Variants in DLEC1 observed in about 807,000 individuals in gnomAD.
The protein encoded by DLEC1 is DLEC1 cilia and flagella associated protein, also known as deleted in lung and esophageal cancer protein 1.
Under a neutral mutation model 198.1 loss-of-function variants are expected in DLEC1, and 146 were observed. That is an observed-to-expected ratio of 0.74 (90% CI 0.64 to 0.85). The LOEUF is 0.85. Among genes scored for constraint, DLEC1 ranks in the 40% least tolerant of loss-of-function variants. The pLI is 0.00. For synonymous variants in DLEC1, 897 were observed against 866.8 expected (o/e 1.03, Z -0.61); for missense variants, 2,233 against 2,220.0 (o/e 1.01, Z -0.12).
intron 2 of DLEC1, among the ~76,000 whole-genome samples, chr3:38,050,678 C>A (rs576043914): frequency 1.3e-5 from 2 of 152,206 alleles, no homozygotes; most frequent in African/African-American, 4.8e-5. Context: ...CCACCTCCAA[C>A]TTTAGGAAAA....
intron 29 of DLEC1, 32 bp downstream of exon 29, chr3:38,116,921 C>T: frequency 6.2e-7 from 1 of 1,611,966 alleles, no homozygotes; most frequent in Non-Finnish European, 8.5e-7. Context: ...GAGCTGTCTG[C>T]ATTGGCCGGC....
intron 7 of DLEC1, 48 bp downstream of exon 7, chr3:38,084,293 G>A (rs1297646974): frequency 2.0e-6 from 3 of 1,518,980 alleles, no homozygotes; most frequent in Admixed American, 3.4e-5. Flanking sequence ...TAATAGTAGT[G>A]GTGGTATTAG....
intron 18 of DLEC1, among the ~76,000 whole-genome samples, chr3:38,099,461 ATTC>A (rs1301656184): frequency 6.6e-6 from 1 of 152,170 alleles, no homozygotes; most frequent in Non-Finnish European, 1.5e-5. Flanking sequence ...TCTGCACTCT[ATTC>A]TTTTGAGCTC....
In DLEC1 at chr3:38,123,227, CA is replaced by C. The variant is rs1310287987; in HGVS notation, c.*816del. ...ATGGACAAGTAGGATGCAAAACCAT[CA>C]GACCAGATCTGTGGGCAAGCGGTAC... On this transcript the variant is annotated 3_prime_UTR_variant, in exon 37 of 37. Transcript: ENST00000308059. The C allele has an allele frequency of 2.7e-6, 3 of 1,115,412 alleles. No individual in the cohort carries two copies. Among genetic ancestry groups the C allele is most frequent in the East Asian group, 2.4e-5 (1 of 41,846 alleles). 69.1% of individuals were successfully genotyped at this position (1,115,412 alleles called of 1,614,324 possible). A position where few individuals can be genotyped will look rare whatever the true frequency, so the allele number is the denominator to read the frequency against.
chr3:38,116,711 G>C lies in DLEC1; in HGVS notation c.4062+53G>C, dbSNP rs1272220607. The C allele has an allele frequency of 3.1e-6, 5 of 1,609,794 alleles. No homozygotes were observed. The African/African-American group carries it at 6.7e-5, about 22-fold the overall frequency. On this transcript the variant is annotated intron_variant, in intron 28 of 36. Coordinates refer to ENST00000308059, the MANE Select transcript of DLEC1 (RefSeq NM_007335.4). ...GCTGGCCACTGAGGGCCACTGAGGT[G>C]TGGCCAGTAGGCTAGTTGAACCTCA...
Position 38,094,982 on chromosome 3 carries a change from A to G in DLEC1, c.2023A>G (p.Lys675Glu), listed in dbSNP as rs751958731. The G allele has an allele frequency of 6.2e-7, 1 of 1,614,204 alleles. No individual in the cohort carries two copies. The highest frequency in any genetic ancestry group is 8.5e-7 in the Non-Finnish European group (1 of 1,180,018). The change falls in exon 13 of 37, where the codon AAG becomes GAG. Residue 675 changes from lysine (K) to glutamate (E), a missense_variant. Coordinates refer to ENST00000308059, the MANE Select transcript of DLEC1 (RefSeq NM_007335.4). ...GGACAGCATCAAGTGCTACCCCGAC[A>G]AGGAGACTGCCTTCTCCATCATGCC... ...SMDSIKCYPD[K>E]ETAFSIMPRK...
chr3:38,060,698 AT>A (rs11410521), intron 3 of DLEC1, among the ~76,000 whole-genome samples: 172 of 147,100 alleles, frequency 1.2e-3, no homozygotes, highest in Admixed American at 1.4e-3. Flanking sequence ...GCCACTTAGT[AT>A]TTTTTTTTTT....
At chr3:38,076,659 T>C (rs1256422804) in intron 6 of DLEC1, among the ~76,000 whole-genome samples, 1 of 152,234 alleles carries the variant, frequency 6.6e-6, no homozygotes, top group Non-Finnish European at 1.5e-5. Context: ...TTGTGATTCT[T>C]CAGTTACTTC....
At chr3:38,097,137 A>T in intron 15 of DLEC1, 45 bp from the exon 16 acceptor site, 1 of 1,491,524 alleles carries the variant, frequency 6.7e-7, no homozygotes, top group Non-Finnish European at 9.1e-7. Context: ...CAGAATTGAC[A>T]TGAAGGGGCA....
chr3:38,080,220 G>A (rs1390242485), intron 6 of DLEC1, among the ~76,000 whole-genome samples: 4 of 152,158 alleles, frequency 2.6e-5, no homozygotes, highest in Admixed American at 1.3e-4. Flanking sequence ...GTCACGGAAC[G>A]AAACTGTAAG....
In DLEC1 at chr3:38,090,906, T is replaced by C. The variant is rs533532729; in HGVS notation, c.1666-1884T>C. On this transcript the variant is annotated intron_variant, in intron 10 of 36. Coordinates refer to ENST00000308059, the MANE Select transcript of DLEC1 (RefSeq NM_007335.4). ...AATTATCAACCCTTGGCCAATCTTA[T>C]TACATCTATACCCCTCCATTTCCCT... 2.6e-5 allele frequency among the ~76,000 whole-genome samples: 4 copies of C among 152,294 alleles called. No homozygotes were observed. The South Asian group carries it at 8.3e-4, about 32-fold the overall frequency.
At chr3:38,061,330 C>T (rs1324335635) in intron 3 of DLEC1, among the ~76,000 whole-genome samples, 1 of 151,962 alleles carries the variant, frequency 6.6e-6, no homozygotes, top group African/African-American at 2.4e-5. Flanking sequence ...AGGCGCCTGC[C>T]ATCATGCCTG....
chr3:38,048,707 G>A (rs1700983497), intron 2 of DLEC1, among the ~76,000 whole-genome samples: 1 of 152,318 alleles, frequency 6.6e-6, no homozygotes, highest in Admixed American at 6.5e-5. Context: ...AGGAAGGATT[G>A]TTGATGAGCC....
chr3:38,054,241 A>G (rs1189362963), intron 2 of DLEC1, among the ~76,000 whole-genome samples: 1 of 152,112 alleles, frequency 6.6e-6, no homozygotes, highest in Non-Finnish European at 1.5e-5. Context: ...AAACAAAAAC[A>G]AAAACAAGGG....
Position 38,097,507 on chromosome 3 carries a change from A to G in DLEC1, c.2435A>G (p.Glu812Gly). ...CCTCTCCCTTTCCCTCTCTTCTCAG[A>G]GCCCAGTGAGGTCGGGGATTTTGAG... is the stretch of plus-strand genomic sequence containing the variant. ...IEVEPGTGVI[E>G]PSEVGDFELN... The change falls in exon 17 of 37, where the codon GAG (glutamate) becomes GGG (glycine). Residue 812 changes from glutamate (E) to glycine (G), a missense_variant and splice_region_variant. Glu to Gly is a moderately conservative substitution (Grantham distance 98, BLOSUM62 -2). Coordinates refer to ENST00000308059, the MANE Select transcript of DLEC1 (RefSeq NM_007335.4). 1 of 1,614,062 alleles carries G rather than the reference A, an allele frequency of 6.2e-7. No homozygotes were observed. Among genetic ancestry groups the G allele is most frequent in the Non-Finnish European group, 8.5e-7 (1 of 1,179,976 alleles).
At chr3:38,081,760 A>C (rs1232698274) in intron 6 of DLEC1, among the ~76,000 whole-genome samples, 4 of 61,686 alleles carry the variant, frequency 6.5e-5, no homozygotes, top group South Asian at 1.4e-3. Context: ...GGCGCCCCTC[A>C]CCTCCCGGAC....
chr3:38,111,139 T>C (rs1699856263), intron 23 of DLEC1, among the ~76,000 whole-genome samples: 1 of 152,186 alleles, frequency 6.6e-6, no homozygotes, highest in Non-Finnish European at 1.5e-5. Flanking sequence ...GAATCTCCAC[T>C]GTGTGGACAC....
At chr3:38,061,167 GT>G (rs1200502431) in intron 3 of DLEC1, among the ~76,000 whole-genome samples, 3 of 55,890 alleles carry the variant, frequency 5.4e-5, no homozygotes, top group Non-Finnish European at 1.1e-4. Flanking sequence ...TGGTTTTCTT[GT>G]TTGTTTGTTT....
At chr3:38,042,079 G>A (rs549834932) in intron 1 of DLEC1, among the ~76,000 whole-genome samples, 7 of 151,962 alleles carry the variant, frequency 4.6e-5, no homozygotes, top group South Asian at 2.1e-4. Context: ...TACAACTTCC[G>A]TCTCCTGGGT....
Sources: gnomAD v4.1 joint callset for allele counts (sites outside exome capture counted in the v4.1 genomes callset) on GRCh38, gnomAD v4.1.1 for gene constraint, MANE v1.5 for transcripts, NCBI Gene and HGNC (gene_info 2026-07-23, HGNC 2026-07-21) for gene names.